The following ERBB4 variants were observed in gnomAD, a reference collection of about 807,000 sequenced individuals.
The protein encoded by ERBB4 is receptor tyrosine-protein kinase erbB-4.
A neutral mutation model predicts 158.0 loss-of-function variants in ERBB4; 42 were observed. The observed-to-expected ratio is 0.27, with a 90% CI of 0.21 to 0.34. ERBB4 has a LOEUF of 0.34. Ranked by LOEUF, ERBB4 falls within the 10% of genes least tolerant of loss-of-function variation. The pLI is 1.00. For synonymous variants in ERBB4, 583 were observed against 558.7 expected (o/e 1.04, Z -0.61); for missense variants, 1,333 against 1,624.1 (o/e 0.82, Z 3.08).
chr2:211,413,047 G>C (rs2063298115), intron 25 of ERBB4, among the ~76,000 whole-genome samples: 1 of 151,790 alleles, frequency 6.6e-6, no homozygotes, highest in African/African-American at 2.4e-5. Context: ...TGTAATCCTA[G>C]TGCTTTGGGA....
chr2:211,442,826 T>C (rs926606278), intron 20 of ERBB4, among the ~76,000 whole-genome samples: 1 of 152,106 alleles, frequency 6.6e-6, no homozygotes, highest in African/African-American at 2.4e-5. Flanking sequence ...AAATGAGTAA[T>C]GGAAGAAGTA....
At chr2:212,116,959 T>C (rs1003764710) in intron 2 of ERBB4, among the ~76,000 whole-genome samples, 2 of 152,174 alleles carry the variant, frequency 1.3e-5, no homozygotes, top group African/African-American at 4.8e-5. Flanking sequence ...GTAAATTGCA[T>C]AGCTTTTTCA....
At chr2:212,146,985 A>ATTTTTTT (rs2080695486) in intron 1 of ERBB4, among the ~76,000 whole-genome samples, 2 of 47,808 alleles carry the variant, frequency 4.2e-5, no homozygotes, top group Non-Finnish European at 7.8e-5. Context: ...TCATTGTTAG[A>ATTTTTTT]CTTTTTTTTT....
At chr2:211,431,439 G>A (rs1574478013) in intron 20 of ERBB4, among the ~76,000 whole-genome samples, 1 of 152,036 alleles carries the variant, frequency 6.6e-6, no homozygotes, top group African/African-American at 2.4e-5. Flanking sequence ...ACATATGCTT[G>A]GATTGACCCA....
chr2:211,633,280 C>T (rs1039515042), intron 16 of ERBB4, among the ~76,000 whole-genome samples: 1 of 152,006 alleles, frequency 6.6e-6, no homozygotes, highest in Admixed American at 6.6e-5. Flanking sequence ...TTTGCTGCAA[C>T]ACAAAGACGT....
At chr2:211,660,135 T>C (rs1219131567) in intron 15 of ERBB4, among the ~76,000 whole-genome samples, 1 of 152,160 alleles carries the variant, frequency 6.6e-6, no homozygotes, top group Non-Finnish European at 1.5e-5. Flanking sequence ...GAACATTAGG[T>C]GGGAGCCAGA....
intron 1 of ERBB4, among the ~76,000 whole-genome samples, chr2:212,165,065 C>A (rs1394070794): frequency 2.6e-5 from 4 of 151,818 alleles, no homozygotes; most frequent in Non-Finnish European, 5.9e-5. Context: ...CTGCGGTCGA[C>A]TTTGTCCATC....
At chr2:211,392,658 T>C (rs2062827411) in intron 25 of ERBB4, among the ~76,000 whole-genome samples, 1 of 151,764 alleles carries the variant, frequency 6.6e-6, no homozygotes, top group Non-Finnish European at 1.5e-5. Flanking sequence ...TCTTATTCTT[T>C]TTTGTTGTTG....
chr2:211,989,901 G>A (rs2082029341), intron 2 of ERBB4, among the ~76,000 whole-genome samples: 1 of 151,850 alleles, frequency 6.6e-6, no homozygotes, highest in South Asian at 2.1e-4. Context: ...TGAATTTGGT[G>A]TATAAAATTA....
chr2:212,251,318 A>T (rs1559848005), intron 1 of ERBB4, among the ~76,000 whole-genome samples: 1 of 152,000 alleles, frequency 6.6e-6, no homozygotes. Flanking sequence ...TTATTCATTT[A>T]TTTGATAAAC....
At chr2:211,988,952 A>G (rs911636810) in intron 2 of ERBB4, among the ~76,000 whole-genome samples, 1 of 152,032 alleles carries the variant, frequency 6.6e-6, no homozygotes, top group African/African-American at 2.4e-5. Flanking sequence ...AAACCCCATG[A>G]ATGAATTTTA....
chr2:212,503,673 T>G (rs1560499258), intron 1 of ERBB4, among the ~76,000 whole-genome samples: 1 of 152,204 alleles, frequency 6.6e-6, no homozygotes, highest in Non-Finnish European at 1.5e-5. Context: ...GATGTAACAA[T>G]GCTGACAAGT....
rs550566264 is a variant in ERBB4, at chr2:212,294,241, A to C, written c.83-169338T>G. On this transcript the variant is annotated intron_variant, in intron 1 of 27. Coordinates refer to ENST00000342788, the MANE Select transcript of ERBB4 (RefSeq NM_005235.3). ...TCCAATGGAAAAACTATGTAGAAGCATCCAACATGCAAACCATTTTATGGA... is the reference window on the plus strand; with the variant it reads ...TCCAATGGAAAAACTATGTAGAAGCCTCCAACATGCAAACCATTTTATGGA... Among the ~76,000 whole-genome samples, 8 of 152,204 alleles carry C rather than the reference A, an allele frequency of 5.3e-5. No homozygotes were observed. In the South Asian group the frequency reaches 1.7e-3, roughly 32 times the overall value.
intron 1 of ERBB4, among the ~76,000 whole-genome samples, chr2:212,313,386 T>G (rs369730176): frequency 2.2e-4 from 33 of 151,064 alleles, no homozygotes; most frequent in Middle Eastern, 3.4e-3. Context: ...AGCATTTTCA[T>G]TTACATAATT....
chr2:211,432,756 G>A (rs1292055593), intron 20 of ERBB4, among the ~76,000 whole-genome samples: 3 of 150,838 alleles, frequency 2.0e-5, no homozygotes, highest in Non-Finnish European at 4.4e-5. Flanking sequence ...ATATATGTTG[G>A]CAACAGGTTA....
chr2:212,176,377 T>A (rs1235863793), intron 1 of ERBB4, among the ~76,000 whole-genome samples: 1 of 151,890 alleles, frequency 6.6e-6, no homozygotes, highest in Non-Finnish European at 1.5e-5. Flanking sequence ...AGGATTAATG[T>A]CCTTACAGGA....
At chr2:212,273,064 T>G (rs2085401029) in intron 1 of ERBB4, among the ~76,000 whole-genome samples, 1 of 151,750 alleles carries the variant, frequency 6.6e-6, no homozygotes, top group Admixed American at 6.6e-5. Flanking sequence ...GGAGGGCCAC[T>G]ATTACGACTT....
intron 3 of ERBB4, among the ~76,000 whole-genome samples, chr2:211,932,366 A>G (rs1283776487): frequency 6.6e-6 from 1 of 151,868 alleles, no homozygotes; most frequent in Non-Finnish European, 1.5e-5. Flanking sequence ...ACATTTTTTC[A>G]TGGGTAAAGT....
At chr2:212,060,610 C>A (rs1240092485) in intron 2 of ERBB4, among the ~76,000 whole-genome samples, 1 of 51,950 alleles carries the variant, frequency 1.9e-5, no homozygotes, top group African/African-American at 3.6e-5. Flanking sequence ...CACATATACA[C>A]CATGCAATAC....
Sources: allele counts gnomAD v4.1 joint callset (sites outside exome capture counted in the v4.1 genomes callset), GRCh38; gene constraint gnomAD v4.1.1; transcripts MANE v1.5; gene names NCBI Gene and HGNC (gene_info 2026-07-23, HGNC 2026-07-21).